The following ENTREP2 variants were observed in gnomAD, a reference collection of about 807,000 sequenced individuals.
ENTREP2 encodes protein ENTREP2.
At chr15:29,174,529 A>G in the ENTREP2 span, among the ~76,000 whole-genome samples, 1 of 152,162 alleles carries the variant, frequency 6.6e-6, no homozygotes, top group African/African-American at 2.4e-5. Context: ...TCTACTAAAA[A>G]TACAAAAAAA....
At chr15:29,393,617 G>A in the ENTREP2 span, among the ~76,000 whole-genome samples, 1 of 152,146 alleles carries the variant, frequency 6.6e-6, no homozygotes, top group Non-Finnish European at 1.5e-5. Context: ...TGTTCTATAG[G>A]AGAAGCATCC....
At chr15:29,509,324 G>C in the ENTREP2 span, among the ~76,000 whole-genome samples, 1 of 152,068 alleles carries the variant, frequency 6.6e-6, no homozygotes, top group Non-Finnish European at 1.5e-5. Context: ...TGGCCATTTT[G>C]CCCAAAGTAA....
the ENTREP2 span, among the ~76,000 whole-genome samples, chr15:29,296,184 C>T: frequency 2.1e-4 from 32 of 152,286 alleles, 1 homozygote; most frequent in African/African-American, 7.0e-4. Context: ...TGTATATATA[C>T]ACATCCTGCT....
chr15:29,207,186 C>A, the ENTREP2 span, among the ~76,000 whole-genome samples: 13 of 152,230 alleles, frequency 8.5e-5, no homozygotes, highest in South Asian at 2.7e-3. Context: ...GACCTGAGGA[C>A]AAAGCCGGCC....
At chr15:29,286,673 C>G in the ENTREP2 span, among the ~76,000 whole-genome samples, 15 of 152,218 alleles carry the variant, frequency 9.9e-5, no homozygotes, top group Non-Finnish European at 1.9e-4. Flanking sequence ...CTTGCACGGA[C>G]AGAGCTCAGC....
the ENTREP2 span, among the ~76,000 whole-genome samples, chr15:29,313,417 G>A: frequency 6.6e-6 from 1 of 152,200 alleles, no homozygotes; most frequent in Admixed American, 6.5e-5. Flanking sequence ...AGGAGCTAAT[G>A]CAGCTGGTCA....
chr15:29,250,223 T>G, the ENTREP2 span, among the ~76,000 whole-genome samples: 1 of 152,140 alleles, frequency 6.6e-6, no homozygotes, highest in African/African-American at 2.4e-5. Flanking sequence ...GATTGCTGAC[T>G]CCAAATCCAG....
At chr15:29,210,244 T>C in the ENTREP2 span, among the ~76,000 whole-genome samples, 4 of 152,092 alleles carry the variant, frequency 2.6e-5, 1 homozygote, top group South Asian at 8.3e-4. Context: ...ACTAGACAAC[T>C]GGGGGCTACT....
At chr15:29,182,383 C>T in the ENTREP2 span, among the ~76,000 whole-genome samples, 2 of 151,794 alleles carry the variant, frequency 1.3e-5, no homozygotes, top group African/African-American at 2.4e-5. Context: ...CCTCGGCCTC[C>T]GAAAGTGCTG....
the ENTREP2 span, among the ~76,000 whole-genome samples, chr15:29,315,360 T>C: frequency 6.6e-6 from 1 of 152,168 alleles, no homozygotes; most frequent in Non-Finnish European, 1.5e-5. Flanking sequence ...TCTTGGCCGA[T>C]GAATTGACAG....
chr15:29,159,161 G>A, the ENTREP2 span, among the ~76,000 whole-genome samples: 32 of 152,118 alleles, frequency 2.1e-4, no homozygotes, highest in South Asian at 4.8e-3. Context: ...GAGTCTGTTC[G>A]TTCTGATGTG....
the ENTREP2 span, among the ~76,000 whole-genome samples, chr15:29,572,869 A>T: frequency 7.5e-6 from 1 of 132,630 alleles, no homozygotes; most frequent in African/African-American, 2.8e-5. Context: ...GATGATAAGG[A>T]GATTTGAAAA....
At chr15:29,201,507 T>G in the ENTREP2 span, among the ~76,000 whole-genome samples, 1 of 152,206 alleles carries the variant, frequency 6.6e-6, no homozygotes, top group African/African-American at 2.4e-5. Flanking sequence ...TGTCAAATGC[T>G]TTTTCTCCAA....
At chr15:29,424,154 C>T in the ENTREP2 span, among the ~76,000 whole-genome samples, 62 of 152,326 alleles carry the variant, frequency 4.1e-4, 2 homozygotes, top group South Asian at 0.013. Context: ...AGTTATAGCT[C>T]ATAAAGGTAA....
the ENTREP2 span, among the ~76,000 whole-genome samples, chr15:29,465,850 G>C: frequency 6.6e-6 from 1 of 152,290 alleles, no homozygotes; most frequent in South Asian, 2.1e-4. Flanking sequence ...CTTCTTTCGA[G>C]ACATCAGGGT....
chr15:29,384,626 G>T, the ENTREP2 span, among the ~76,000 whole-genome samples: 1 of 152,108 alleles, frequency 6.6e-6, no homozygotes, highest in Admixed American at 6.5e-5. Context: ...CAGGGAGGCT[G>T]GCAAGGGAGG....
chr15:29,592,623 C>A, the ENTREP2 span, among the ~76,000 whole-genome samples: 2 of 152,184 alleles, frequency 1.3e-5, no homozygotes, highest in Non-Finnish European at 2.9e-5. Flanking sequence ...ACAACACATG[C>A]TTCTTGGGGG....
chr15:29,407,981 A>G, the ENTREP2 span, among the ~76,000 whole-genome samples: 9 of 152,164 alleles, frequency 5.9e-5, no homozygotes, highest in Non-Finnish European at 1.3e-4. Context: ...CACCTGGCCC[A>G]CATTTTTTGA....
the ENTREP2 span, among the ~76,000 whole-genome samples, chr15:29,479,979 C>G: frequency 6.6e-6 from 1 of 152,240 alleles, no homozygotes; most frequent in African/African-American, 2.4e-5. Context: ...TCTGCATCAA[C>G]AGATATATCC....
Sources: gnomAD v4.1 joint callset for allele counts (sites outside exome capture counted in the v4.1 genomes callset) on GRCh38, gnomAD v4.1.1 for gene constraint, MANE v1.5 for transcripts, NCBI Gene and HGNC (gene_info 2026-07-23, HGNC 2026-07-21) for gene names.